Variants in SAMTOR observed in about 807,000 individuals in gnomAD.
SAMTOR encodes the protein S-adenosylmethionine sensor upstream of mTORC1.
the SAMTOR span, among the ~76,000 whole-genome samples, chr7:112,897,706 GC>G: frequency 6.6e-6 from 1 of 152,096 alleles, no homozygotes; most frequent in African/African-American, 2.4e-5. Context: ...GGCTTTGGAG[GC>G]CACTCAAAGT....
the SAMTOR span, chr7:112,915,255 GT>G: frequency 6.7e-7 from 1 of 1,488,832 alleles, no homozygotes; most frequent in Non-Finnish European, 9.0e-7. Context: ...AAAAAAAGAA[GT>G]TACAACAATA....
the SAMTOR span, among the ~76,000 whole-genome samples, chr7:112,931,266 C>A: frequency 6.6e-6 from 1 of 151,256 alleles, no homozygotes; most frequent in Non-Finnish European, 1.5e-5. Context: ...ATATAGAGAG[C>A]AGGGGGTTGG....
chr7:112,932,825 G>T, the SAMTOR span, among the ~76,000 whole-genome samples: 2 of 152,254 alleles, frequency 1.3e-5, no homozygotes, highest in Non-Finnish European at 2.9e-5. Context: ...TTTGTTTCAA[G>T]AGTTTACATT....
At chr7:112,939,569 C>T in the SAMTOR span, 25 of 1,613,640 alleles carry the variant, frequency 1.5e-5, no homozygotes. Context: ...CCCCTTCCTC[C>T]CTCACTCAGC....
At chr7:112,833,946 T>C in the SAMTOR span, among the ~76,000 whole-genome samples, 1 of 152,236 alleles carries the variant, frequency 6.6e-6, no homozygotes, top group Non-Finnish European at 1.5e-5. Context: ...ACCTTTATTT[T>C]AGGTAGTCAC....
chr7:112,904,867 C>T, the SAMTOR span, among the ~76,000 whole-genome samples: 3 of 152,220 alleles, frequency 2.0e-5, no homozygotes, highest in African/African-American at 7.2e-5. Flanking sequence ...ATGTTTTTTA[C>T]TTTATCTTTC....
chr7:112,888,988 ATAT>A, the SAMTOR span, among the ~76,000 whole-genome samples: 2 of 152,168 alleles, frequency 1.3e-5, no homozygotes, highest in African/African-American at 2.4e-5. Flanking sequence ...TCATGATGAA[ATAT>A]TATGCAAAAC....
At chr7:112,859,490 A>C in the SAMTOR span, among the ~76,000 whole-genome samples, 3 of 152,200 alleles carry the variant, frequency 2.0e-5, no homozygotes, top group Admixed American at 2.0e-4. Flanking sequence ...TATTTACTAC[A>C]CTTTTGTTAT....
chr7:112,829,159 A>C, the SAMTOR span, among the ~76,000 whole-genome samples: 6 of 151,974 alleles, frequency 3.9e-5, no homozygotes, highest in Admixed American at 3.9e-4. Flanking sequence ...ATGCTCTTCT[A>C]TTTAAAAAAT....
chr7:112,821,902 T>C, the SAMTOR span: 4 of 1,613,332 alleles, frequency 2.5e-6, no homozygotes, highest in Non-Finnish European at 3.4e-6. Context: ...CAGGAAGGGT[T>C]AGAATATTCC....
At chr7:112,829,360 A>T in the SAMTOR span, among the ~76,000 whole-genome samples, 1 of 152,022 alleles carries the variant, frequency 6.6e-6, no homozygotes, top group African/African-American at 2.4e-5. Flanking sequence ...TACAGTTTTG[A>T]TTTTTTTAAA....
chr7:112,898,766 G>A, the SAMTOR span, among the ~76,000 whole-genome samples: 1 of 152,208 alleles, frequency 6.6e-6, no homozygotes, highest in Non-Finnish European at 1.5e-5. Flanking sequence ...TCCACCTGGG[G>A]GAAGAAGAGG....
chr7:112,874,042 C>CA, the SAMTOR span, among the ~76,000 whole-genome samples: 2 of 151,800 alleles, frequency 1.3e-5, no homozygotes, highest in East Asian at 1.9e-4. Context: ...ATCAAAAAGC[C>CA]AAAAAACAGA....
At chr7:112,938,969 C>A in the SAMTOR span, among the ~76,000 whole-genome samples, 1 of 152,266 alleles carries the variant, frequency 6.6e-6, no homozygotes, top group Non-Finnish European at 1.5e-5. Flanking sequence ...ACAGTTAAGA[C>A]CAAGTATTTA....
At chr7:112,916,515 A>T in the SAMTOR span, among the ~76,000 whole-genome samples, 4 of 152,150 alleles carry the variant, frequency 2.6e-5, no homozygotes, top group Non-Finnish European at 5.9e-5. Context: ...GCGTGACTGA[A>T]GCAGAAGACA....
chr7:112,829,752 A>C, the SAMTOR span, among the ~76,000 whole-genome samples: 1 of 152,194 alleles, frequency 6.6e-6, no homozygotes, highest in African/African-American at 2.4e-5. Context: ...ATTTAGTCTA[A>C]GGCAAATTAT....
At chr7:112,891,118 A>T in the SAMTOR span, among the ~76,000 whole-genome samples, 1 of 152,226 alleles carries the variant, frequency 6.6e-6, no homozygotes, top group African/African-American at 2.4e-5. Flanking sequence ...AGAAATCTAA[A>T]GTTGATATTT....
the SAMTOR span, among the ~76,000 whole-genome samples, chr7:112,903,166 A>C: frequency 6.6e-5 from 10 of 152,076 alleles, no homozygotes; most frequent in Non-Finnish European, 1.5e-4. Context: ...TATAAAAATT[A>C]GCTGGGTGTA....
the SAMTOR span, among the ~76,000 whole-genome samples, chr7:112,879,877 T>C: frequency 4.5e-4 from 68 of 152,304 alleles, no homozygotes; most frequent in South Asian, 7.5e-3. Context: ...GAAGACTCAA[T>C]TCTCTAAATT....
Sources: allele counts gnomAD v4.1 joint callset (sites outside exome capture counted in the v4.1 genomes callset), GRCh38; gene constraint gnomAD v4.1.1; transcripts MANE v1.5; gene names NCBI Gene and HGNC (gene_info 2026-07-23, HGNC 2026-07-21).